Variants in RIMS1 observed in about 807,000 individuals in gnomAD.
RIMS1 encodes the protein regulating synaptic membrane exocytosis protein 1.
In RIMS1, 83 loss-of-function variants were observed where a neutral mutation model predicts 214.1. The observed-to-expected ratio is 0.39, with a 90% CI of 0.32 to 0.47. RIMS1 has a LOEUF of 0.47. RIMS1 is among the 20% of genes least tolerant of loss of function. The probability of loss-of-function intolerance (pLI) is 0.99; values close to 1 mark genes in which losing one functional copy is unlikely to be tolerated. For missense variants in RIMS1, 2,050 were observed against 2,161.8 expected (o/e 0.95, Z 1.03); for synonymous variants, 793 against 786.8 (o/e 1.01, Z -0.13).
intron 2 of RIMS1, among the ~76,000 whole-genome samples, chr6:71,978,468 A>C (rs190657036): frequency 2.0e-4 from 31 of 152,176 alleles, no homozygotes; most frequent in African/African-American, 7.5e-4. Context: ...AGATTCAATA[A>C]TTTTCTAGGT....
chr6:71,999,870 T>G (rs952589323), intron 2 of RIMS1, among the ~76,000 whole-genome samples: 9 of 152,268 alleles, frequency 5.9e-5, no homozygotes, highest in African/African-American at 2.2e-4. Context: ...GTTGATTTTT[T>G]CATAATTTCT....
At chr6:71,970,236 G>C (rs895212823) in intron 2 of RIMS1, among the ~76,000 whole-genome samples, 1 of 152,082 alleles carries the variant, frequency 6.6e-6, no homozygotes, top group African/African-American at 2.4e-5. Context: ...TACAAACTTG[G>C]AAGAAGTACT....
chr6:72,139,560 T>C lies in RIMS1; in HGVS notation c.471+39574T>C, dbSNP rs574472345. On this transcript the variant is annotated intron_variant, in intron 4 of 33. Transcript: ENST00000521978. ...TCTTCCCACTAGATTATAAGCTTTG[T>C]GATCTTGGAGACTTGTTTCCCTAGG... 3.2e-4 allele frequency among the ~76,000 whole-genome samples: 48 copies of C among 152,276 alleles called. No individual in the cohort carries two copies. The East Asian group carries it at 8.9e-3, about 28-fold the overall frequency.
chr6:72,351,092 G>A (rs1470734813), intron 29 of RIMS1, among the ~76,000 whole-genome samples: 4 of 151,364 alleles, frequency 2.6e-5, no homozygotes, highest in African/African-American at 9.7e-5. Flanking sequence ...TATATACATG[G>A]TATATGAAAT....
chr6:72,335,010 C>A (rs937556980), intron 29 of RIMS1, among the ~76,000 whole-genome samples: 1 of 151,626 alleles, frequency 6.6e-6, no homozygotes, highest in African/African-American at 2.4e-5. Context: ...TGTGTTGTTT[C>A]TTTTGTTTAA....
intron 4 of RIMS1, among the ~76,000 whole-genome samples, chr6:72,178,896 A>G: frequency 6.6e-6 from 1 of 152,232 alleles, no homozygotes; most frequent in East Asian, 1.9e-4. Flanking sequence ...CTTGGGGAAC[A>G]TTACATTGGA....
chr6:72,271,277 AAAAAAAAAAATAT>A lies in RIMS1; in HGVS notation c.3399-3070_3399-3058del, dbSNP rs1167337989. ...CAAGACTCCATCTCAAGGAAAAAAAAAAAAAAAAAATATATATATATATATATATATATATATA... is the reference window on the plus strand; with the variant it reads ...CAAGACTCCATCTCAAGGAAAAAAAAATATATATATATATATATATATATA... On this transcript the variant is annotated intron_variant, in intron 22 of 33. Coordinates refer to ENST00000521978, the MANE Select transcript of RIMS1 (RefSeq NM_014989.7). Among the ~76,000 whole-genome samples the A allele has an allele frequency of 2.1e-3, 132 of 61,466 alleles. 1 individual carries two copies. The highest frequency in any genetic ancestry group is 9.1e-3 in the African/African-American group (128 of 14,124). 40.3% of individuals were successfully genotyped at this position (61,466 alleles called of 152,430 possible).
chr6:72,128,411 A>G (rs540532401), intron 4 of RIMS1, among the ~76,000 whole-genome samples: 2 of 152,102 alleles, frequency 1.3e-5, no homozygotes, highest in African/African-American at 4.8e-5. Context: ...TTTTTTAAAA[A>G]AAAATTGTAT....
chr6:71,992,427 TTTC>T (rs1801965971), intron 2 of RIMS1, among the ~76,000 whole-genome samples: 1 of 141,902 alleles, frequency 7.0e-6, no homozygotes, highest in African/African-American at 2.7e-5. Context: ...TCTTTCTTTC[TTTC>T]TTTCTTTCTT....
At chr6:72,081,020 G>C (rs2153772957) in intron 2 of RIMS1, among the ~76,000 whole-genome samples, 1 of 152,278 alleles carries the variant, frequency 6.6e-6, no homozygotes, top group African/African-American at 2.4e-5. Context: ...AGGACAAGTA[G>C]ATTTCTCCTT....
At chr6:72,400,440 T>TA (rs2098827695) in intron 33 of RIMS1, 56 bp from the exon 34 acceptor site, 1 of 1,498,626 alleles carries the variant, frequency 6.7e-7, no homozygotes, top group African/African-American at 1.4e-5. Context: ...CTTTGAGCCC[T>TA]TCGAATGTGA....
intron 29 of RIMS1, among the ~76,000 whole-genome samples, chr6:72,363,255 A>T (rs549699147): frequency 6.6e-6 from 1 of 152,194 alleles, no homozygotes; most frequent in Non-Finnish European, 1.5e-5. Flanking sequence ...TTAAGGAAGT[A>T]AAAAAAGGTC....
chr6:72,367,417 T>A (rs2746212), intron 29 of RIMS1, among the ~76,000 whole-genome samples: 65,681 of 151,920 alleles, frequency 0.43, 14,587 homozygotes, highest in Middle Eastern at 0.5. Context: ...TTAGGCTTCC[T>A]AAATTTTGCC....
intron 6 of RIMS1, among the ~76,000 whole-genome samples, chr6:72,221,581 C>T (rs185153322): frequency 3.3e-5 from 5 of 151,890 alleles, no homozygotes; most frequent in Non-Finnish European, 5.9e-5. Context: ...GAATAATAAA[C>T]ATTTTATTTA....
intron 2 of RIMS1, among the ~76,000 whole-genome samples, chr6:72,018,719 A>G (rs1317362257): frequency 6.6e-6 from 1 of 152,166 alleles, no homozygotes; most frequent in Admixed American, 6.5e-5. Context: ...AGAGTGTAGT[A>G]ACCTGGAAGC....
chr6:72,022,152 T>A (rs549121705), intron 2 of RIMS1, among the ~76,000 whole-genome samples: 169 of 152,318 alleles, frequency 1.1e-3, no homozygotes, highest in Non-Finnish European at 8.8e-4. Flanking sequence ...ATAATATTAG[T>A]GTGTGATGTT....
At chr6:72,357,054 A>G (rs2097670914) in intron 29 of RIMS1, among the ~76,000 whole-genome samples, 1 of 152,232 alleles carries the variant, frequency 6.6e-6, no homozygotes, top group Admixed American at 6.5e-5. Context: ...GCACAGCTAA[A>G]TACCACAGAT....
At chr6:72,023,846 A>T (rs1282974108) in intron 2 of RIMS1, among the ~76,000 whole-genome samples, 1 of 152,174 alleles carries the variant, frequency 6.6e-6, no homozygotes, top group East Asian at 1.9e-4. Flanking sequence ...ATTTAAATAA[A>T]TACACTTTAC....
At chr6:72,024,486 A>G (rs1446499292) in intron 2 of RIMS1, among the ~76,000 whole-genome samples, 1 of 152,188 alleles carries the variant, frequency 6.6e-6, no homozygotes, top group Non-Finnish European at 1.5e-5. Context: ...GACATATACA[A>G]GGCACTCAAA....
Sources: gnomAD v4.1 joint callset for allele counts (sites outside exome capture counted in the v4.1 genomes callset) on GRCh38, gnomAD v4.1.1 for gene constraint, MANE v1.5 for transcripts, NCBI Gene and HGNC (gene_info 2026-07-23, HGNC 2026-07-21) for gene names.